TTC7A: variants seen among roughly 807,000 people sequenced by gnomAD.
The protein encoded by TTC7A is tetratricopeptide repeat domain 7A.
Under a neutral mutation model 103.7 loss-of-function variants are expected in TTC7A, and 110 were observed. The ratio of observed to expected loss-of-function variants is 1.06; its 90% CI spans 0.91 to 1.24. TTC7A has a LOEUF of 1.24. Among genes scored for constraint, TTC7A ranks in the 50% most tolerant of loss-of-function variants. The probability of loss-of-function intolerance (pLI) is 0.00; values close to 1 mark genes in which losing one functional copy is unlikely to be tolerated. For missense variants in TTC7A, 1,340 were observed against 1,116.3 expected, an observed-to-expected ratio of 1.20 and a Z score of -2.86; for synonymous variants, 521 against 467.9, an observed-to-expected ratio of 1.11 and a Z score of -1.47.
intron 2 of TTC7A, among the ~76,000 whole-genome samples, chr2:46,929,176 C>T (rs1309562557): frequency 7.3e-6 from 1 of 136,154 alleles, no homozygotes; most frequent in East Asian, 2.4e-4. Flanking sequence ...AAAAAGAAAA[C>T]AAAACAAAAC....
chr2:47,023,301 T>TG, intron 12 of TTC7A, 107 bp from the exon 13 acceptor site: 1 of 1,207,832 alleles, frequency 8.3e-7, no homozygotes, highest in Non-Finnish European at 1.2e-6. Context: ...GATGGGACCC[T>TG]GGTGGGGCCT....
intron 5 of TTC7A, among the ~76,000 whole-genome samples, chr2:46,990,944 G>A (rs1675562334): frequency 6.6e-6 from 1 of 152,100 alleles, no homozygotes; most frequent in Non-Finnish European, 1.5e-5. Flanking sequence ...ATAGGGTCTT[G>A]CTCTGTTGCC....
chr2:46,982,293 G>C (rs944234831), intron 5 of TTC7A, among the ~76,000 whole-genome samples: 1 of 152,146 alleles, frequency 6.6e-6, no homozygotes, highest in Admixed American at 6.5e-5. Flanking sequence ...AGGATCATCT[G>C]AGCCTGGCAG....
At chr2:46,939,551 A>G (rs1398638181), upstream of TTC7A, among the ~76,000 whole-genome samples, 4 of 152,220 alleles carry the variant, frequency 2.6e-5, no homozygotes, top group Non-Finnish European at 5.9e-5. Flanking sequence ...TTCCCTCTAC[A>G]GTTAGTTCAC....
At chr2:46,939,630 T>C (rs187624199), upstream of TTC7A, among the ~76,000 whole-genome samples, 1 of 152,248 alleles carries the variant, frequency 6.6e-6, no homozygotes, top group East Asian at 1.9e-4. Context: ...AAGGAGGTCT[T>C]ATTTCTGCCA....
At chr2:46,999,447 G>T in intron 8 of TTC7A, 1 of 982,238 alleles carries the variant, frequency 1.0e-6, no homozygotes, top group Non-Finnish European at 1.2e-6. Flanking sequence ...CCATTCATCT[G>T]TCTATCCACC....
chr2:47,041,224 G>C (rs1235222235), intron 15 of TTC7A, among the ~76,000 whole-genome samples: 1 of 152,200 alleles, frequency 6.6e-6, no homozygotes, highest in Non-Finnish European at 1.5e-5. Flanking sequence ...CTTGTCAGCT[G>C]TGGGAGTCCG....
intron 3 of TTC7A, among the ~76,000 whole-genome samples, chr2:46,961,087 C>T (rs115109804): frequency 5.3e-5 from 8 of 152,312 alleles, no homozygotes; most frequent in African/African-American, 1.9e-4. Context: ...TTCCCCAGGC[C>T]CTGCCATGGC....
intron 2 of TTC7A, among the ~76,000 whole-genome samples, chr2:46,934,794 T>C (rs1325918345): frequency 2.8e-5 from 3 of 107,632 alleles, no homozygotes; most frequent in Non-Finnish European, 5.8e-5. Context: ...GCTCTTTTTT[T>C]TTTTTTTTTT....
exon 1 of TTC7A, chr2:46,916,199 G>T: frequency 1.0e-6 from 1 of 975,314 alleles, no homozygotes; most frequent in Non-Finnish European, 1.2e-6. Context: ...GGTTCGTCCT[G>T]CTGCAAGTTG....
Position 46,941,587 on chromosome 2 carries a change from G to A in TTC7A, c.46G>A (p.Glu16Lys), listed in dbSNP as rs775389933. Residue 16 changes from glutamate (E) to lysine (K), a missense_variant, in exon 1 of 20, where the codon GAG becomes AAG. Coordinates refer to ENST00000319190, the MANE Select transcript of TTC7A (RefSeq NM_020458.4). The surrounding 1 kb of genome is among the most constrained non-coding windows in gnomAD (Gnocchi z 4.2). ...CGGCTCCTACCTGAAGGTGGAGAGCGAGCTGGAGCGCTGCCGCGCCGAGGG... is the reference window on the plus strand; with the variant it reads ...CGGCTCCTACCTGAAGGTGGAGAGCAAGCTGGAGCGCTGCCGCGCCGAGGG... Reference protein sequence around the residue: ...AHGSYLKVESELERCRAEGHW... With the variant: ...AHGSYLKVESKLERCRAEGHW... The A allele has an allele frequency of 4.2e-5, 66 of 1,557,230 alleles. No individual in the cohort carries two copies. Among genetic ancestry groups the A allele is most frequent in the Non-Finnish European group, 5.0e-5 (57 of 1,151,192 alleles).
At chr2:46,945,267 T>G (rs1334853681) in intron 1 of TTC7A, among the ~76,000 whole-genome samples, 8 of 152,180 alleles carry the variant, frequency 5.3e-5, no homozygotes, top group Non-Finnish European at 1.2e-4. Context: ...AGTTAATTTT[T>G]TTTTTAGATG....
rs533605891 is a variant in TTC7A, at chr2:47,006,059, G to A, written c.1203G>A (p.Glu401=). 4.0e-5 allele frequency: 65 copies of A among 1,612,482 alleles called. No individual in the cohort carries two copies. The highest frequency in any genetic ancestry group is 5.3e-5 in the Non-Finnish European group (62 of 1,179,468). The part of the protein sequence containing the change: ...GRRGQYVMLS[E]CLERAMKFAF... ...GGGGACAGTACGTCATGCTCTCGGA[G>A]GTACGGCCGGCCATGCAGCCCACCC... Residue 401 remains glutamate (E), a splice_region_variant and synonymous_variant, in exon 9 of 20, where the codon GAG becomes GAA. Transcript: ENST00000319190.
At chr2:46,990,819 A>T (rs1675543889) in intron 5 of TTC7A, among the ~76,000 whole-genome samples, 1 of 152,196 alleles carries the variant, frequency 6.6e-6, no homozygotes, top group African/African-American at 2.4e-5. Context: ...ACCCCAGGGC[A>T]TCCCCTAAAC....
chr2:46,963,092 C>T (rs1020753537), intron 3 of TTC7A, among the ~76,000 whole-genome samples: 6 of 152,338 alleles, frequency 3.9e-5, no homozygotes, highest in African/African-American at 1.4e-4. Context: ...TCTCGCAGTG[C>T]AGTGAGAGCT....
intron 3 of TTC7A, among the ~76,000 whole-genome samples, chr2:46,969,456 G>A (rs932243173): frequency 2.6e-5 from 4 of 151,974 alleles, no homozygotes; most frequent in Non-Finnish European, 5.9e-5. Context: ...GCAGTGAGCC[G>A]AGATCGCGCC....
At chr2:47,019,271 A>G (rs1358828847) in intron 11 of TTC7A, among the ~76,000 whole-genome samples, 2 of 151,960 alleles carry the variant, frequency 1.3e-5, no homozygotes, top group Admixed American at 1.3e-4. Context: ...GTTGGGTCAC[A>G]CCTGTAATCC....
At chr2:47,027,797 A>G (rs1372552776) in intron 14 of TTC7A, among the ~76,000 whole-genome samples, 3 of 152,188 alleles carry the variant, frequency 2.0e-5, no homozygotes, top group African/African-American at 4.8e-5. Context: ...GAGATGACGT[A>G]AGGGGGGCAG....
At chr2:46,928,297 G>C (rs1669505585) in intron 2 of TTC7A, among the ~76,000 whole-genome samples, 1 of 151,548 alleles carries the variant, frequency 6.6e-6, no homozygotes, top group Non-Finnish European at 1.5e-5. Context: ...ATCTAGGCAG[G>C]TTGTGAAAAA....
Sources: allele counts gnomAD v4.1 joint callset (sites outside exome capture counted in the v4.1 genomes callset), GRCh38; gene constraint gnomAD v4.1.1; non-coding constraint Gnocchi (gnomAD v3.1); transcripts MANE v1.5; gene names NCBI Gene and HGNC (gene_info 2026-07-23, HGNC 2026-07-21).